Variants in DPP10 observed in about 807,000 individuals in gnomAD.
DPP10 encodes the protein dipeptidyl peptidase like 10.
Under a neutral mutation model 120.9 loss-of-function variants are expected in DPP10, and 33 were observed. That is an observed-to-expected ratio of 0.27 (90% CI 0.21 to 0.37). The LOEUF (loss-of-function observed/expected upper bound fraction) is 0.37, where lower values mean the gene tolerates loss of function less well. Ranked by LOEUF, DPP10 falls within the 10% of genes least tolerant of loss-of-function variation. The pLI is 1.00. For synonymous variants in DPP10, 337 were observed against 326.1 expected (o/e 1.03, Z -0.36); for missense variants, 816 against 942.8 (o/e 0.87, Z 1.76).
chr2:114,792,990 TTGTGTGTGTGTGTGTGTGTG>T (rs55780807), intron 1 of DPP10, among the ~76,000 whole-genome samples: 4 of 143,738 alleles, frequency 2.8e-5, no homozygotes, highest in South Asian at 2.3e-4. Flanking sequence ...AACTGTATTA[TTGTGTGTGTGTGTGTGTGTG>T]TGTGTGTGTG....
chr2:115,187,302 C>T (rs1207264900), intron 1 of DPP10, among the ~76,000 whole-genome samples: 1 of 152,006 alleles, frequency 6.6e-6, no homozygotes, highest in Non-Finnish European at 1.5e-5. Context: ...TCCCAAAGTG[C>T]TGGGATTACA....
intron 1 of DPP10, among the ~76,000 whole-genome samples, chr2:114,552,843 GC>G (rs888357236): frequency 2.4e-4 from 36 of 152,270 alleles, no homozygotes; most frequent in Admixed American, 7.8e-4. Context: ...ACTGCACCTT[GC>G]CCATTATACA....
At chr2:114,522,833 G>A (rs979886971) in intron 1 of DPP10, among the ~76,000 whole-genome samples, 3 of 152,212 alleles carry the variant, frequency 2.0e-5, no homozygotes, top group Admixed American at 2.0e-4. Context: ...AGCAGGCAAA[G>A]AGAGAGAACT....
rs1559158324 is a variant in DPP10 at position 115,791,289 on chromosome 2, C to T, written c.1633C>T (p.Leu545Phe). The T allele has an allele frequency of 1.2e-6, 2 of 1,611,264 alleles. No individual in the cohort carries two copies. The highest frequency in any genetic ancestry group is 2.2e-5 in the South Asian group (2 of 90,230). ...IKILHIDDYE[L>F]PLQLSLPKDF... ...ATATTTTGCTCTTTCTTTAAAAGAA[C>T]TTCCTTTACAGTTGTCCCTTCCCAA... Residue 545 changes from leucine to phenylalanine, a missense_variant and splice_region_variant, in exon 19 of 26, where the codon CTT (leucine) becomes TTT (phenylalanine). Leu to Phe is a conservative substitution (Grantham distance 22). Around this residue, in one of 3 missense-constraint regions of DPP10, gnomAD observed 592 missense variants for 649.0 expected, o/e 0.91. Transcript: ENST00000410059.
At chr2:115,151,674 TG>T (rs758799093) in intron 1 of DPP10, among the ~76,000 whole-genome samples, 5 of 151,944 alleles carry the variant, frequency 3.3e-5, no homozygotes, top group Non-Finnish European at 5.9e-5. Flanking sequence ...CCCAAAGTAC[TG>T]GGATTACAGG....
At chr2:114,486,781 A>G (rs1182323010) in intron 1 of DPP10, among the ~76,000 whole-genome samples, 1 of 152,138 alleles carries the variant, frequency 6.6e-6, no homozygotes, top group African/African-American at 2.4e-5. Flanking sequence ...TTCCAAAAAT[A>G]ATGATGATGC....
At chr2:115,033,562 A>G (rs925426105) in intron 1 of DPP10, among the ~76,000 whole-genome samples, 9 of 152,078 alleles carry the variant, frequency 5.9e-5, no homozygotes, top group Admixed American at 3.3e-4. Context: ...CATTTATTTT[A>G]TCTCACCCAC....
At chr2:115,237,964 C>A (rs2105539393) in intron 1 of DPP10, among the ~76,000 whole-genome samples, 1 of 152,310 alleles carries the variant, frequency 6.6e-6, no homozygotes, top group Non-Finnish European at 1.5e-5. Flanking sequence ...TCACAGCAAA[C>A]CGGTTATCCA....
chr2:115,780,832 A>C, intron 15 of DPP10, 42 bp from the exon 16 acceptor site: 1 of 1,579,560 alleles, frequency 6.3e-7, no homozygotes, highest in Non-Finnish European at 8.6e-7. Flanking sequence ...AAGTGCCTAG[A>C]ATAGTAGCAT....
intron 1 of DPP10, among the ~76,000 whole-genome samples, chr2:114,789,166 C>CATACAGATACTCG (rs11276154): frequency 1.3e-5 from 2 of 151,982 alleles, no homozygotes; most frequent in African/African-American, 4.8e-5. Context: ...AGCGCCATCA[C>CATACAGATACTCG]TGGGATAGTT....
chr2:114,988,345 A>G (rs1700553107), intron 1 of DPP10, among the ~76,000 whole-genome samples: 1 of 152,246 alleles, frequency 6.6e-6, no homozygotes, highest in South Asian at 2.1e-4. Context: ...CATTTTGTAA[A>G]TAATATGATC....
At position 115,276,552 on chromosome 2, in the gene DPP10, C is replaced by A. The variant is rs188003652; in HGVS notation, c.61-32687C>A. 3.5e-3 allele frequency among the ~76,000 whole-genome samples: 532 copies of A among 152,304 alleles called. 2 individuals carry two copies. Among genetic ancestry groups the A allele is most frequent in the Non-Finnish European group, 5.7e-3 (391 of 68,026 alleles). On this transcript the variant is annotated intron_variant, in intron 1 of 25. Transcript: ENST00000410059. ...TTGAGTGTCCAAGAGAAGACTGTCA[C>A]AGGACCTGGCACATTAGTGAGAAAG...
intron 2 of DPP10, among the ~76,000 whole-genome samples, chr2:115,333,663 T>G (rs902450954): frequency 1.3e-5 from 2 of 152,142 alleles, no homozygotes; most frequent in African/African-American, 4.8e-5. Flanking sequence ...TAAAGGATTT[T>G]ATTTCTCCTT....
At chr2:114,891,054 T>C (rs1692500489) in intron 1 of DPP10, among the ~76,000 whole-genome samples, 1 of 152,046 alleles carries the variant, frequency 6.6e-6, no homozygotes, top group Non-Finnish European at 1.5e-5. Flanking sequence ...TGCTACTATT[T>C]AAAATGAAAA....
rs1382108558 is a variant in DPP10 at position 115,499,583 on chromosome 2, A to G, written c.345A>G (p.Leu115=). The G allele has an allele frequency of 1.2e-6, 2 of 1,611,418 alleles. No homozygotes were observed. The highest frequency in any genetic ancestry group is 1.7e-5 in the Admixed American group (1 of 59,756). Residue 115 remains leucine, a synonymous_variant, in exon 4 of 26, where the codon TTA becomes TTG. Coordinates refer to ENST00000410059, the MANE Select transcript of DPP10 (RefSeq NM_020868.6). ...KLNIETNATT[L]LLENTTFVTF... is the part of the protein sequence containing the mutation. ...ATATAGAAACAAATGCTACCACATT[A>G]TTATTGGAAAACACAACTTTTGTAA...
In DPP10 at chr2:115,490,634, T is replaced by G. The variant is rs576799696; in HGVS notation, c.272-8876T>G. 9.2e-5 allele frequency among the ~76,000 whole-genome samples: 14 copies of G among 152,302 alleles called. No individual in the cohort carries two copies. In the South Asian group the frequency reaches 2.3e-3, roughly 25 times the overall value. On this transcript the variant is annotated intron_variant, in intron 3 of 25. Transcript: ENST00000410059. The stretch of plus-strand genomic sequence containing the variant: ...AATATTGGCTCAGAATAAACCTCTT[T>G]AAAGTATTTTACAAAGTTTATTTCT...
At chr2:115,780,329 A>G (rs1682602158) in intron 15 of DPP10, among the ~76,000 whole-genome samples, 1 of 151,954 alleles carries the variant, frequency 6.6e-6, no homozygotes, top group African/African-American at 2.4e-5. Flanking sequence ...TATAATACAA[A>G]TGTAACTTTT....
chr2:114,558,399 T>TA (rs1688493841), intron 1 of DPP10, among the ~76,000 whole-genome samples: 2 of 152,242 alleles, frequency 1.3e-5, no homozygotes, highest in African/African-American at 4.8e-5. Flanking sequence ...CTGCTCTCTC[T>TA]ACTACAAAGC....
chr2:114,765,462 T>G (rs562646606), intron 1 of DPP10, among the ~76,000 whole-genome samples: 1 of 152,258 alleles, frequency 6.6e-6, no homozygotes, highest in East Asian at 1.9e-4. Context: ...AAAGAGGCAC[T>G]ACTAGGGCAC....
Sources: gnomAD v4.1 joint callset for allele counts (sites outside exome capture counted in the v4.1 genomes callset) on GRCh38, gnomAD v4.1.1 for gene constraint, gnomAD v4.1.1 regional missense constraint, MANE v1.5 for transcripts, NCBI Gene and HGNC (gene_info 2026-07-23, HGNC 2026-07-21) for gene names.